The following ABCG5 variants were observed in gnomAD, a reference collection of about 807,000 sequenced individuals.
ABCG5 encodes the protein ATP binding cassette subfamily G member 5.
Under a neutral mutation model 64.5 loss-of-function variants are expected in ABCG5, and 64 were observed. The observed-to-expected ratio is 0.99, with a 90% CI of 0.81 to 1.22. The LOEUF is 1.22. Among genes scored for constraint, ABCG5 ranks in the 50% most tolerant of loss-of-function variants. The probability of loss-of-function intolerance (pLI) is 0.00; values close to 1 mark genes in which losing one functional copy is unlikely to be tolerated. For missense variants in ABCG5, 908 were observed against 829.5 expected, an observed-to-expected ratio of 1.09 and a Z score of -1.16; for synonymous variants, 385 against 326.3, an observed-to-expected ratio of 1.18 and a Z score of -1.94.
In ABCG5 at chr2:43,813,151, C is replaced by T. The variant is rs370772513; in HGVS notation, c.1921G>A (p.Val641Ile). The change falls in exon 13 of 13, where the codon GTT becomes ATT. Residue 641 changes from valine (V) to isoleucine (I), a missense_variant. By Grantham distance (29) the Val-to-Ile change is conservative. Coordinates refer to ENST00000405322, the MANE Select transcript of ABCG5 (RefSeq NM_022436.3). ...IPALVILGIV[V>I]FKIRDHLISR is the part of the protein sequence containing the mutation. ...ATGAGATGATCCCTTATTTTGAAAA[C>T]AACTATTCCTAGGATGACAAGAGCT... is the stretch of plus-strand genomic sequence containing the variant. 1 of 1,457,440 alleles carries T rather than the reference C, an allele frequency of 6.9e-7. No homozygotes were observed. Among genetic ancestry groups the T allele is most frequent in the Non-Finnish European group, 9.6e-7 (1 of 1,037,874 alleles). The allele number at this position is 1,457,440 out of a possible 1,614,324, so 90.3% of individuals were successfully genotyped here. A position where few individuals can be genotyped will look rare whatever the true frequency, so the allele number is the denominator to read the frequency against.
intron 11 of ABCG5, among the ~76,000 whole-genome samples, chr2:43,816,686 G>C (rs1316798661): frequency 6.6e-6 from 1 of 152,116 alleles, no homozygotes; most frequent in Non-Finnish European, 1.5e-5. Flanking sequence ...TGAAATTACA[G>C]GCACGTGACA....
rs756339433 is a variant in ABCG5, at chr2:43,832,067, C to T, written c.282G>A (p.Thr94=). ...GCCTCCCGGACATGGCGTCCAGCAG[C>T]GTGGTTTTCCCGGAGCCTGCGGGGC... ...ILGSSGSGKT[T]LLDAMSGRLG... is the part of the protein sequence containing the mutation. Residue 94 remains threonine (T), a synonymous_variant, in exon 3 of 13, where the codon ACG becomes ACA. Coordinates refer to ENST00000405322, the MANE Select transcript of ABCG5 (RefSeq NM_022436.3). 22 of 1,581,944 alleles carry T rather than the reference C, an allele frequency of 1.4e-5. No homozygotes were observed. Among genetic ancestry groups the T allele is most frequent in the South Asian group, 8.1e-5 (7 of 86,126 alleles).
intron 11 of ABCG5, among the ~76,000 whole-genome samples, chr2:43,819,492 T>C (rs1179607226): frequency 6.6e-6 from 1 of 152,062 alleles, no homozygotes; most frequent in African/African-American, 2.4e-5. Context: ...TTTTTTTTTT[T>C]TGTCTGACTA....
Position 43,824,938 on chromosome 2 carries a change from A to C in ABCG5, c.855T>G (p.Asn285Lys). ...GTTCAGGACAAGGGTAACCGCAGTC[A>C]TTGAAGAAATCAAGCATTTCCGCTG... ...GTPAEMLDFF[N>K]DCGYPCPEHS... The change falls in exon 7 of 13, where the codon AAT (asparagine) becomes AAG (lysine). Residue 285 changes from asparagine (N) to lysine (K), a missense_variant. Transcript: ENST00000405322. 1 of 1,614,116 alleles carries C rather than the reference A, an allele frequency of 6.2e-7. No individual in the cohort carries two copies. The highest frequency in any genetic ancestry group is 2.2e-5 in the East Asian group (1 of 44,840).
intron 10 of ABCG5, chr2:43,822,418 A>AC (rs1385652868): frequency 1.3e-5 from 9 of 694,986 alleles, no homozygotes; most frequent in African/African-American, 4.1e-5. Flanking sequence ...TCCTCTTCCC[A>AC]CCCTCTGAAT....
intron 5 of ABCG5, 114 bp downstream of exon 5, chr2:43,827,869 A>T: frequency 6.7e-7 from 1 of 1,499,436 alleles, no homozygotes; most frequent in Non-Finnish European, 9.0e-7. Context: ...CTGTGATTTC[A>T]GTTGTACACA....
rs1007775127 is a variant in ABCG5, at chr2:43,828,209, G to A, written c.502-94C>T. 3.1e-5 allele frequency: 49 copies of A among 1,576,250 alleles called. No individual in the cohort carries two copies. In the Admixed American group the frequency reaches 3.8e-4, roughly 12 times the overall value. ...GAGGACATGAAAGAGGCAGCACACC[G>A]CCCAAGAATCCAAGGGCCACTTCCA... On this transcript the variant is annotated intron_variant, in intron 4 of 12. Coordinates refer to ENST00000405322, the MANE Select transcript of ABCG5 (RefSeq NM_022436.3).
chr2:43,810,394 GAT>G, downstream of ABCG5: 1 of 985,374 alleles, frequency 1.0e-6, no homozygotes, highest in Non-Finnish European at 1.2e-6. Context: ...CATCTAAGGA[GAT>G]ATCCTATCAA....
chr2:43,812,205 C>A (rs537080286), downstream of ABCG5, among the ~76,000 whole-genome samples: 5 of 152,130 alleles, frequency 3.3e-5, no homozygotes, highest in East Asian at 7.7e-4. Context: ...TGTGAGACAC[C>A]ATGTCTAGCT....
At position 43,812,639 on chromosome 2, in the gene ABCG5, A is replaced by G. The variant is rs926111153; in HGVS notation, c.*477T>C. 1 of 182,354 alleles carries G rather than the reference A, an allele frequency of 5.5e-6. No homozygotes were observed. Among genetic ancestry groups the G allele is most frequent in the African/African-American group, 2.4e-5 (1 of 41,746 alleles). 11.3% of individuals were successfully genotyped at this position (182,354 alleles called of 1,614,324 possible). A position where few individuals can be genotyped will look rare whatever the true frequency, so the allele number is the denominator to read the frequency against. On this transcript the variant is annotated 3_prime_UTR_variant, in exon 13 of 13. Coordinates refer to ENST00000405322, the MANE Select transcript of ABCG5 (RefSeq NM_022436.3). Reference sequence around the variant, plus strand: ...TGCATTTAACTCTGGGTCTTCCAGGAACAGAAGCATTCTTACCCAATTCTG... The same window carrying G: ...TGCATTTAACTCTGGGTCTTCCAGGGACAGAAGCATTCTTACCCAATTCTG...
chr2:43,821,232 TG>T lies in ABCG5; in HGVS notation c.1464-1133del, dbSNP rs1667176901. ...CGTTCCTCATTGTTGTCTTCTGTGA[TG>T]TTTAAAACATCCTCTTGCCTTTGAT... is the stretch of plus-strand genomic sequence containing the variant. On this transcript the variant is annotated intron_variant, in intron 10 of 12. Transcript: ENST00000405322. 3.3e-5 allele frequency among the ~76,000 whole-genome samples: 5 copies of T among 152,268 alleles called. No individual in the cohort carries two copies. The South Asian group carries it at 1.0e-3, about 32-fold the overall frequency.
downstream of ABCG5, among the ~76,000 whole-genome samples, chr2:43,808,964 T>TACACACACAC (rs56090427): frequency 1.7e-3 from 247 of 145,568 alleles, no homozygotes; most frequent in African/African-American, 6.0e-3. Flanking sequence ...GGACAAAGGA[T>TACACACACAC]ACACACACAC....
chr2:43,838,585 G>A lies in ABCG5; in HGVS notation c.95C>T (p.Ala32Val). ...QSSLEGAPAT[A>V]PEPHSLGILH... Reference sequence around the variant, plus strand: ...GATGCCCAGGCTGTGAGGCTCCGGGGCGGTGGCAGGAGCCCCCTCCAGGGA... The same window carrying A: ...GATGCCCAGGCTGTGAGGCTCCGGGACGGTGGCAGGAGCCCCCTCCAGGGA... The change falls in exon 1 of 13, where the codon GCC (alanine) becomes GTC (valine). Residue 32 changes from alanine to valine, a missense_variant. Physicochemically the swap from Ala to Val is moderately conservative, Grantham distance 64 (BLOSUM62 0). Coordinates refer to ENST00000405322, the MANE Select transcript of ABCG5 (RefSeq NM_022436.3). This position sits in a 1 kb window ranked among gnomAD's most constrained non-coding sequence, Gnocchi z 4.2. 3 of 1,610,794 alleles carry A rather than the reference G, an allele frequency of 1.9e-6. No individual in the cohort carries two copies. Among genetic ancestry groups the A allele is most frequent in the Non-Finnish European group, 2.5e-6 (3 of 1,179,024 alleles).
At position 43,812,798 on chromosome 2, in the gene ABCG5, C is replaced by T; in HGVS notation, c.*318G>A. The T allele has an allele frequency of 6.9e-6, 2 of 288,224 alleles. No individual in the cohort carries two copies. Among genetic ancestry groups the T allele is most frequent in the African/African-American group, 2.2e-5 (1 of 46,126 alleles). The allele number at this position is 288,224 out of a possible 1,614,324, so 17.9% of individuals were successfully genotyped here. The stretch of plus-strand genomic sequence containing the variant: ...TATTTTTAAGCTGACCTATTTTTTT[C>T]TGTGCCTAGAACAAGGAAAAAAAAT... On this transcript the variant is annotated 3_prime_UTR_variant, in exon 13 of 13. Transcript: ENST00000405322.
At chr2:43,839,125 G>T, upstream of ABCG5, 8 of 1,551,164 alleles carry the variant, frequency 5.2e-6, no homozygotes, top group Non-Finnish European at 7.0e-6. Flanking sequence ...CGGTGAGTGA[G>T]CAATGGGAAG....
chr2:43,837,581 A>G (rs1012461078), intron 2 of ABCG5, among the ~76,000 whole-genome samples: 1 of 152,136 alleles, frequency 6.6e-6, no homozygotes, highest in Non-Finnish European at 1.5e-5. Flanking sequence ...GAGTACTTTT[A>G]TATGCCATGG....
chr2:43,807,507 A>G (rs1270988530), downstream of ABCG5, among the ~76,000 whole-genome samples: 1 of 151,900 alleles, frequency 6.6e-6, no homozygotes, highest in Admixed American at 6.6e-5. Flanking sequence ...TGGGGAGATC[A>G]TGGCTCACTG....
intron 11 of ABCG5, among the ~76,000 whole-genome samples, chr2:43,817,701 G>A (rs1666929477): frequency 6.6e-6 from 1 of 151,920 alleles, no homozygotes; most frequent in African/African-American, 2.4e-5. Flanking sequence ...CCTGAGGTCA[G>A]GAGTTTGAGA....
At chr2:43,815,207 T>G (rs1666738709) in intron 11 of ABCG5, among the ~76,000 whole-genome samples, 1 of 152,176 alleles carries the variant, frequency 6.6e-6, no homozygotes, top group Admixed American at 6.5e-5. Context: ...ATGAAATATG[T>G]CTCCTCTCCA....
Sources: allele counts gnomAD v4.1 joint callset (sites outside exome capture counted in the v4.1 genomes callset), GRCh38; gene constraint gnomAD v4.1.1; non-coding constraint Gnocchi (gnomAD v3.1); transcripts MANE v1.5; gene names NCBI Gene and HGNC (gene_info 2026-07-23, HGNC 2026-07-21).